The following SLC17A3 variants were observed in gnomAD, a reference collection of about 807,000 sequenced individuals.
SLC17A3 encodes the protein solute carrier family 17 member 3.
SLC17A3 carries 61 observed loss-of-function variants against 60.3 expected under a neutral mutation model. That is an observed-to-expected ratio of 1.01 (90% CI 0.82 to 1.25). The LOEUF (loss-of-function observed/expected upper bound fraction) is 1.25, where lower values mean the gene tolerates loss of function less well. SLC17A3 is among the 50% of genes most tolerant of loss of function. The pLI, the probability that SLC17A3 is intolerant of heterozygous loss-of-function variation, is 0.00. For synonymous variants in SLC17A3, 192 were observed against 208.9 expected (o/e 0.92, Z 0.70); for missense variants, 624 against 594.9 (o/e 1.05, Z -0.51).
At chr6:25,853,723 C>A (rs1765317956) in intron 6 of SLC17A3, among the ~76,000 whole-genome samples, 1 of 151,988 alleles carries the variant, frequency 6.6e-6, no homozygotes, top group Admixed American at 6.5e-5. Context: ...CGGCCTTCTG[C>A]ATGTATTTTT....
chr6:25,868,337 T>C lies in SLC17A3; in HGVS notation c.51A>G (p.Ala17=). ...GTGTCTCATCCACTTGCATATCTTGTGCGTTCTTGCTCTCCCTTGCTGTGG... is the reference window on the plus strand; with the variant it reads ...GTGTCTCATCCACTTGCATATCTTGCGCGTTCTTGCTCTCCCTTGCTGTGG... The part of the protein sequence containing the change: ...LSPTARESKN[A]QDMQVDETLI... The change falls in exon 2 of 13, where the codon GCA becomes GCG. Residue 17 remains alanine (A), a synonymous_variant. Coordinates refer to ENST00000397060, the MANE Select transcript of SLC17A3 (RefSeq NM_001098486.2). 2 of 1,612,276 alleles carry C rather than the reference T, an allele frequency of 1.2e-6. No homozygotes were observed. Among genetic ancestry groups the C allele is most frequent in the Non-Finnish European group, 1.7e-6 (2 of 1,178,808 alleles).
At chr6:25,857,739 C>T (rs980570115) in intron 5 of SLC17A3, among the ~76,000 whole-genome samples, 1 of 152,142 alleles carries the variant, frequency 6.6e-6, no homozygotes, top group African/African-American at 2.4e-5. Context: ...GCCACAGATA[C>T]ATGGAGATGG....
rs2151525749 is a variant in SLC17A3, at chr6:25,863,931, G to A, written c.92-1487C>T. ...ATAGCACACAAATAGCCCTGTGTTT[G>A]GGGACCTCACATTCCAGAGAGAAGC... On this transcript the variant is annotated intron_variant, in intron 2 of 12. Coordinates refer to ENST00000397060, the MANE Select transcript of SLC17A3 (RefSeq NM_001098486.2). 2.0e-5 allele frequency among the ~76,000 whole-genome samples: 3 copies of A among 152,106 alleles called. No individual in the cohort carries two copies. In the South Asian group the frequency reaches 6.2e-4, roughly 32 times the overall value.
chr6:25,861,900 T>A lies in SLC17A3; in HGVS notation c.433A>T (p.Ile145Phe), dbSNP rs1765454087. 6.2e-7 allele frequency: 1 copy of A among 1,612,936 alleles called. No homozygotes were observed. Among genetic ancestry groups the A allele is most frequent in the East Asian group, 2.2e-5 (1 of 44,854 alleles). ...AGAAATGAAGTTGCAAACAAAGAAATGCCAACCACTCGCTTTGTTCCTACT... is the reference window on the plus strand; with the variant it reads ...AGAAATGAAGTTGCAAACAAAGAAAAGCCAACCACTCGCTTTGTTCCTACT... ...GRVGTKRVVGISLFATSFLTL... is the reference protein window; with the variant it reads ...GRVGTKRVVGFSLFATSFLTL... The change falls in exon 4 of 13, where the codon ATT becomes TTT. Residue 145 changes from isoleucine to phenylalanine, a missense_variant. By Grantham distance (21) the Ile-to-Phe change is conservative (BLOSUM62 0). Transcript: ENST00000397060.
chr6:25,868,918 C>G (rs1765585396), intron 1 of SLC17A3, among the ~76,000 whole-genome samples: 1 of 151,900 alleles, frequency 6.6e-6, no homozygotes, highest in Non-Finnish European at 1.5e-5. Context: ...AGCTATGCTC[C>G]TCTGGAATCC....
intron 1 of SLC17A3, among the ~76,000 whole-genome samples, chr6:25,872,544 G>A (rs1194649175): frequency 6.8e-6 from 1 of 146,910 alleles, no homozygotes; most frequent in Non-Finnish European, 1.5e-5. Context: ...TATGTAGTAT[G>A]TATACTACAT....
At chr6:25,851,398 C>T (rs1441558093) in intron 6 of SLC17A3, among the ~76,000 whole-genome samples, 2 of 152,004 alleles carry the variant, frequency 1.3e-5, no homozygotes, top group East Asian at 1.9e-4. Context: ...GGATATATTT[C>T]TAACTTTGAT....
intron 6 of SLC17A3, among the ~76,000 whole-genome samples, chr6:25,853,101 T>C (rs940462485): frequency 1.3e-5 from 2 of 152,196 alleles, no homozygotes; most frequent in African/African-American, 4.8e-5. Flanking sequence ...CAGTGACCCA[T>C]GAATTATGAA....
chr6:25,852,439 G>A (rs1765293704), intron 6 of SLC17A3, among the ~76,000 whole-genome samples: 1 of 152,010 alleles, frequency 6.6e-6, no homozygotes, highest in African/African-American at 2.4e-5. Context: ...TTTGAAAAAT[G>A]TTGTTTTTGT....
chr6:25,862,125 A>G (rs1765460063), intron 3 of SLC17A3, 96 bp from the exon 4 acceptor site: 5 of 1,395,916 alleles, frequency 3.6e-6, no homozygotes, highest in Non-Finnish European at 5.0e-6. Flanking sequence ...CTTTCAAATC[A>G]CTATTTTCTC....
chr6:25,849,511 A>C (rs201755694), intron 10 of SLC17A3, 47 bp from the exon 11 acceptor site: 1,002 of 1,125,592 alleles, frequency 8.9e-4, no homozygotes, highest in Non-Finnish European at 1.2e-3. Context: ...GATGTTTGAC[A>C]GTATCCTTCA....
At chr6:25,861,301 GA>G (rs112982394) in intron 5 of SLC17A3, among the ~76,000 whole-genome samples, 1 of 151,034 alleles carries the variant, frequency 6.6e-6, no homozygotes, top group African/African-American at 2.4e-5. Context: ...ATAAACTGAA[GA>G]AAAAAAAGCA....
intron 11 of SLC17A3, among the ~76,000 whole-genome samples, chr6:25,847,141 C>A (rs1180042916): frequency 6.6e-6 from 1 of 151,976 alleles, no homozygotes; most frequent in African/African-American, 2.4e-5. Flanking sequence ...AATGCTCATC[C>A]TTTGTCTTCT....
chr6:25,860,554 T>C (rs1368744874), intron 5 of SLC17A3, among the ~76,000 whole-genome samples: 1 of 152,130 alleles, frequency 6.6e-6, no homozygotes, highest in Non-Finnish European at 1.5e-5. Flanking sequence ...CAGACAATCA[T>C]GGGCTCTATG....
chr6:25,855,815 T>C (rs541687063), intron 5 of SLC17A3, among the ~76,000 whole-genome samples: 2 of 152,332 alleles, frequency 1.3e-5, no homozygotes, highest in South Asian at 4.1e-4. Context: ...TTCAATCATT[T>C]CTAGATGATT....
intron 6 of SLC17A3, among the ~76,000 whole-genome samples, chr6:25,854,574 T>C (rs958640940): frequency 1.3e-5 from 2 of 152,170 alleles, no homozygotes; most frequent in African/African-American, 2.4e-5. Context: ...TGCAAACTAA[T>C]GAAAGGTTTG....
rs1561858218 is a variant in SLC17A3, at chr6:25,861,901, G to A, written c.432C>T (p.Gly144=). The change falls in exon 4 of 13, where the codon GGC becomes GGT. Residue 144 remains glycine, a synonymous_variant. Transcript: ENST00000397060. ...GAAATGAAGTTGCAAACAAAGAAAT[G>A]CCAACCACTCGCTTTGTTCCTACTC... The part of the protein sequence containing the change: ...AGRVGTKRVV[G]ISLFATSFLT... 3 of 1,612,870 alleles carry A rather than the reference G, an allele frequency of 1.9e-6. No homozygotes were observed. Among genetic ancestry groups the A allele is most frequent in the African/African-American group, 1.3e-5 (1 of 75,004 alleles).
At chr6:25,863,043 T>A (rs554916004) in intron 2 of SLC17A3, among the ~76,000 whole-genome samples, 19 of 152,016 alleles carry the variant, frequency 1.2e-4, no homozygotes, top group African/African-American at 4.1e-4. Flanking sequence ...TATTTTTCAC[T>A]CAAGTGAAAA....
rs556407051 is a variant in SLC17A3, at chr6:25,862,321, G to A, written c.215C>T (p.Pro72Leu). The change falls in exon 3 of 13, where the codon CCT becomes CTT. Residue 72 changes from proline (P) to leucine (L), a missense_variant. Physicochemically the swap from Pro to Leu is moderately conservative, Grantham distance 98. Coordinates refer to ENST00000397060, the MANE Select transcript of SLC17A3 (RefSeq NM_001098486.2). Reference sequence around the variant, plus strand: ...AGAGGAATCATTGAGCTGGGATTGAGGGCTTGTGCTGTTGACCATGGCTAC... The same window carrying A: ...AGAGGAATCATTGAGCTGGGATTGAAGGCTTGTGCTGTTGACCATGGCTAC... The part of the protein sequence containing the change: ...TMVAMVNSTS[P>L]QSQLNDSSEV... 5.6e-6 allele frequency: 9 copies of A among 1,613,848 alleles called. No homozygotes were observed. The East Asian group carries it at 2.0e-4, about 36-fold the overall frequency.
Sources: allele counts gnomAD v4.1 joint callset (sites outside exome capture counted in the v4.1 genomes callset), GRCh38; gene constraint gnomAD v4.1.1; transcripts MANE v1.5; gene names NCBI Gene and HGNC (gene_info 2026-07-23, HGNC 2026-07-21).